PCDHA5: variants seen among roughly 807,000 people sequenced by gnomAD.
The protein encoded by PCDHA5 is protocadherin alpha 5.
In PCDHA5, 43 loss-of-function variants were observed where a neutral mutation model predicts 61.6. That is an observed-to-expected ratio of 0.70 (90% CI 0.55 to 0.90). The LOEUF is 0.90. PCDHA5 is among the 40% of genes least tolerant of loss of function. The pLI, the probability that PCDHA5 is intolerant of heterozygous loss-of-function variation, is 0.00. For synonymous variants in PCDHA5, 627 were observed against 543.9 expected, an observed-to-expected ratio of 1.15 and a Z score of -2.13; for missense variants, 1,298 against 1,222.7, an observed-to-expected ratio of 1.06 and a Z score of -0.92.
chr5:140,936,674 T>C (rs1410690822), intron 1 of PCDHA5, among the ~76,000 whole-genome samples: 6 of 152,228 alleles, frequency 3.9e-5, no homozygotes, highest in African/African-American at 1.4e-4. Context: ...GGACTGTCTA[T>C]TCTGTTTCAT....
intron 1 of PCDHA5, chr5:140,875,972 T>C (rs782102743): frequency 3.1e-6 from 5 of 1,614,068 alleles, no homozygotes; most frequent in Non-Finnish European, 4.2e-6. Flanking sequence ...GTAAACTCTC[T>C]TTTGACCTAT....
chr5:140,900,845 C>CT (rs1284280086), intron 1 of PCDHA5, among the ~76,000 whole-genome samples: 1 of 152,106 alleles, frequency 6.6e-6, no homozygotes, highest in Non-Finnish European at 1.5e-5. Context: ...CAAAGTTTCC[C>CT]TTTTTTTCAC....
At chr5:140,861,541 A>C (rs2046969106) in intron 1 of PCDHA5, 1 of 426,724 alleles carries the variant, frequency 2.3e-6, no homozygotes, top group Admixed American at 2.3e-5. Context: ...TGCAGCATCC[A>C]CCTGGAAGTG....
intron 1 of PCDHA5, among the ~76,000 whole-genome samples, chr5:140,921,651 C>T (rs155817): frequency 0.33 from 49,637 of 151,902 alleles, 8,394 homozygotes; most frequent in East Asian, 0.53. Context: ...TTTAAGGGAA[C>T]TTAATAAAAA....
At chr5:140,969,038 A>G in intron 1 of PCDHA5, 1 of 1,614,148 alleles carries the variant, frequency 6.2e-7, no homozygotes, top group South Asian at 1.1e-5. Context: ...AGAACTGTAC[A>G]AACAAGCCAA....
chr5:140,857,735 G>A (rs782288464), intron 1 of PCDHA5: 1 of 1,597,334 alleles, frequency 6.3e-7, no homozygotes. Context: ...CAACGCTCCC[G>A]CGCTGCTGGC....
At chr5:140,926,573 A>C in intron 1 of PCDHA5, 2 of 265,974 alleles carry the variant, frequency 7.5e-6, no homozygotes. Context: ...TACTGGAGAC[A>C]GCACCTCTCG....
chr5:140,982,014 C>G lies in PCDHA5; in HGVS notation c.2412-461C>G, dbSNP rs546904836. Among the ~76,000 whole-genome samples the G allele has an allele frequency of 3.3e-5, 5 of 152,270 alleles. No individual in the cohort carries two copies. The South Asian group carries it at 1.0e-3, about 32-fold the overall frequency. ...ATAAGGTTAAGAATTAATTAGATAG[C>G]CAAATTGGAACAATACTCCAATTAT... is the stretch of plus-strand genomic sequence containing the variant. On this transcript the variant is annotated intron_variant, in intron 2 of 3. Coordinates refer to ENST00000529859, the MANE Select transcript of PCDHA5 (RefSeq NM_018908.3).
chr5:140,904,826 T>C (rs1251990612), intron 1 of PCDHA5, among the ~76,000 whole-genome samples: 1 of 152,206 alleles, frequency 6.6e-6, no homozygotes. Flanking sequence ...GAGCATTTTT[T>C]TATATGTTTC....
intron 1 of PCDHA5, chr5:140,850,565 G>A (rs2041680380): frequency 1.3e-6 from 2 of 1,598,414 alleles, no homozygotes; most frequent in East Asian, 4.5e-5. Flanking sequence ...CGGGCCCCGA[G>A]GTGACGCTGG....
chr5:140,917,491 C>G (rs2078223929), intron 1 of PCDHA5, among the ~76,000 whole-genome samples: 1 of 152,172 alleles, frequency 6.6e-6, no homozygotes, highest in Non-Finnish European at 1.5e-5. Flanking sequence ...GGGCCTATGC[C>G]CAGAATGATA....
intron 1 of PCDHA5, among the ~76,000 whole-genome samples, chr5:140,873,074 C>G (rs2054074747): frequency 6.6e-6 from 1 of 152,140 alleles, no homozygotes; most frequent in Non-Finnish European, 1.5e-5. Flanking sequence ...TCATATCTAG[C>G]TATTTCCCCC....
intron 1 of PCDHA5, among the ~76,000 whole-genome samples, chr5:140,956,457 G>T (rs1197742299): frequency 2.0e-5 from 3 of 152,184 alleles, no homozygotes; most frequent in African/African-American, 7.2e-5. Flanking sequence ...TACATTTATT[G>T]ATTTGCATAT....
intron 1 of PCDHA5, among the ~76,000 whole-genome samples, chr5:140,903,075 C>T (rs2069986128): frequency 6.6e-6 from 1 of 152,114 alleles, no homozygotes; most frequent in Non-Finnish European, 1.5e-5. Flanking sequence ...TGGGTAGATA[C>T]CTGATAGTGG....
intron 1 of PCDHA5, chr5:140,824,731 A>G (rs1299399063): frequency 6.7e-6 from 1 of 149,944 alleles, no homozygotes; most frequent in African/African-American, 2.5e-5. Context: ...AAGTACTAAG[A>G]TTACAGGATT....
chr5:140,876,708 C>T, intron 1 of PCDHA5: 7 of 1,614,220 alleles, frequency 4.3e-6, no homozygotes, highest in African/African-American at 1.3e-5. Context: ...TGGACAGCGC[C>T]CTGGACCGCG....
At chr5:140,888,752 C>A (rs782384703) in intron 1 of PCDHA5, among the ~76,000 whole-genome samples, 44 of 151,842 alleles carry the variant, frequency 2.9e-4, no homozygotes, top group Non-Finnish European at 5.7e-4. Context: ...TTATTCTACC[C>A]ACTTTTTTTT....
rs144694616 is a variant in PCDHA5, at chr5:140,836,586, G to T, written c.2352+12459G>T. ...GTCCTCTGAGGGCGCATGTAGTTTG[G>T]TAAAGCCCACTCTGGTGTGCTCCAG... On this transcript the variant is annotated intron_variant, in intron 1 of 3. Coordinates refer to ENST00000529859, the MANE Select transcript of PCDHA5 (RefSeq NM_018908.3). The T allele has an allele frequency of 5.6e-6, 9 of 1,613,634 alleles. No homozygotes were observed. The Admixed American group carries it at 1.3e-4, about 24-fold the overall frequency.
At chr5:140,863,101 C>T in intron 1 of PCDHA5, 1 of 580,234 alleles carries the variant, frequency 1.7e-6, no homozygotes, top group Non-Finnish European at 3.4e-6. Flanking sequence ...GACGAGTACC[C>T]TGGACGAGGC....
Sources: allele counts gnomAD v4.1 joint callset (sites outside exome capture counted in the v4.1 genomes callset), GRCh38; gene constraint gnomAD v4.1.1; transcripts MANE v1.5; gene names NCBI Gene and HGNC (gene_info 2026-07-23, HGNC 2026-07-21).